CNTN5: variants seen among roughly 807,000 people sequenced by gnomAD.
The protein encoded by CNTN5 is contactin 5, also known as contactin-5.
CNTN5 carries 77 observed loss-of-function variants against 129.1 expected under a neutral mutation model. The ratio of observed to expected loss-of-function variants is 0.60; its 90% CI spans 0.50 to 0.72. The LOEUF is 0.72. CNTN5 is among the 30% of genes least tolerant of loss of function. CNTN5 has a pLI of 0.00. For synonymous variants in CNTN5, 509 were observed against 465.6 expected (o/e 1.09, Z -1.20); for missense variants, 1,478 against 1,328.8 (o/e 1.11, Z -1.75).
chr11:99,557,434 T>C (rs1013989995), intron 3 of CNTN5, among the ~76,000 whole-genome samples: 2 of 151,314 alleles, frequency 1.3e-5, no homozygotes, highest in Admixed American at 6.6e-5. Context: ...ATCTAATTGA[T>C]TATACTAAAT....
chr11:99,545,172 T>G (rs12290702), intron 2 of CNTN5, among the ~76,000 whole-genome samples: 76,159 of 152,076 alleles, frequency 0.5, 19,486 homozygotes, highest in African/African-American at 0.6. Flanking sequence ...TAAAAAGGTT[T>G]AATGTGGAAA....
chr11:99,779,608 G>C (rs1427120975), intron 3 of CNTN5, among the ~76,000 whole-genome samples: 3 of 151,900 alleles, frequency 2.0e-5, no homozygotes. Context: ...TTTACATGAA[G>C]AATTTCTTCA....
At chr11:99,513,683 G>A (rs56061881) in intron 2 of CNTN5, among the ~76,000 whole-genome samples, 2,141 of 151,858 alleles carry the variant, frequency 0.014, 30 homozygotes, top group Non-Finnish European at 0.019. Context: ...CATGTTTACA[G>A]TATGTTTTAC....
chr11:99,470,716 A>T (rs1252563614), intron 2 of CNTN5, among the ~76,000 whole-genome samples: 1 of 152,204 alleles, frequency 6.6e-6, no homozygotes, highest in Non-Finnish European at 1.5e-5. Context: ...AATTATGAAC[A>T]TTATTCTGAA....
intron 2 of CNTN5, among the ~76,000 whole-genome samples, chr11:99,455,960 C>A (rs1944482266): frequency 6.6e-6 from 1 of 151,918 alleles, no homozygotes; most frequent in Non-Finnish European, 1.5e-5. Flanking sequence ...CTACCTATTG[C>A]CCATAAGTAG....
intron 1 of CNTN5, among the ~76,000 whole-genome samples, chr11:99,028,882 C>G (rs1863227298): frequency 6.6e-6 from 1 of 151,606 alleles, no homozygotes; most frequent in Non-Finnish European, 1.5e-5. Flanking sequence ...TGGCCGTTTC[C>G]AAATAGTAAT....
chr11:99,582,014 A>G (rs575593390), intron 3 of CNTN5, among the ~76,000 whole-genome samples: 1 of 152,088 alleles, frequency 6.6e-6, no homozygotes, highest in Non-Finnish European at 1.5e-5. Context: ...CTTTTAGGGC[A>G]GGCCTGGTGG....
At chr11:100,349,727 T>C (rs898881656) in intron 23 of CNTN5, among the ~76,000 whole-genome samples, 1 of 151,856 alleles carries the variant, frequency 6.6e-6, no homozygotes, top group African/African-American at 2.4e-5. Context: ...ACAGTGACTC[T>C]GAATAAAAAC....
chr11:99,985,500 G>A (rs1233412565), intron 8 of CNTN5, among the ~76,000 whole-genome samples: 1 of 152,102 alleles, frequency 6.6e-6, no homozygotes, highest in African/African-American at 2.4e-5. Context: ...TGGGCTATAG[G>A]TAGTTTTGGA....
In CNTN5 at chr11:99,953,251, T is replaced by C. The variant is rs755607142; in HGVS notation, c.674-3555T>C. Among the ~76,000 whole-genome samples, 38 of 152,176 alleles carry C rather than the reference T, an allele frequency of 2.5e-4. 1 individual carries two copies. The highest frequency in any genetic ancestry group is 1.3e-4 in the Admixed American group (2 of 15,276). ...TTTGTATACTCTGTAGATGTGGAAA[T>C]GCGTCACTTAAATAATCATCTTTTT... On this transcript the variant is annotated intron_variant, in intron 7 of 24. Coordinates refer to ENST00000524871, the MANE Select transcript of CNTN5 (RefSeq NM_014361.4).
chr11:99,028,968 A>T (rs1218659262), intron 1 of CNTN5, among the ~76,000 whole-genome samples: 1 of 151,842 alleles, frequency 6.6e-6, no homozygotes, highest in African/African-American at 2.4e-5. Context: ...AGGGAGTCAT[A>T]TGGATTAAAG....
chr11:100,279,017 T>C (rs903321552), intron 18 of CNTN5, among the ~76,000 whole-genome samples: 1 of 152,008 alleles, frequency 6.6e-6, no homozygotes, highest in Non-Finnish European at 1.5e-5. Context: ...CATGAAGAGA[T>C]GCTAAATTTT....
chr11:99,096,865 TCCTTGCTGATA>T (rs1355969524), intron 1 of CNTN5, among the ~76,000 whole-genome samples: 1 of 151,888 alleles, frequency 6.6e-6, no homozygotes, highest in Non-Finnish European at 1.5e-5. Context: ...GGCTTTAGTT[TCCTTGCTGATA>T]TACTTTGCAG....
At chr11:100,322,708 CT>C (rs909213841) in intron 21 of CNTN5, among the ~76,000 whole-genome samples, 7 of 152,038 alleles carry the variant, frequency 4.6e-5, no homozygotes, top group African/African-American at 1.7e-4. Context: ...GTATATTCCA[CT>C]TTTTTTTAAG....
At chr11:100,303,290 T>A (rs552150927) in intron 20 of CNTN5, among the ~76,000 whole-genome samples, 16 of 150,852 alleles carry the variant, frequency 1.1e-4, no homozygotes, top group Non-Finnish European at 1.5e-4. Flanking sequence ...ATTCCATTTT[T>A]AAAAAAAAAG....
At chr11:99,998,760 A>G (rs1393143849) in intron 8 of CNTN5, among the ~76,000 whole-genome samples, 1 of 150,042 alleles carries the variant, frequency 6.7e-6, no homozygotes, top group Non-Finnish European at 1.5e-5. Flanking sequence ...AAAATATACT[A>G]CAAGGCTACA....
rs111772160 is a variant in CNTN5, at chr11:100,158,313, A to G, written c.1581-32813A>G. Among the ~76,000 whole-genome samples, 1,065 of 151,776 alleles carry G rather than the reference A, an allele frequency of 7.0e-3. 15 individuals carry two copies. The highest frequency in any genetic ancestry group is 0.025 in the African/African-American group (1,023 of 41,320). ...TAAGATGCATAAGTTCTGGAGATCT[A>G]ATGCACAGGATAGTGACTGTAATTA... On this transcript the variant is annotated intron_variant, in intron 13 of 24. Coordinates refer to ENST00000524871, the MANE Select transcript of CNTN5 (RefSeq NM_014361.4).
intron 8 of CNTN5, among the ~76,000 whole-genome samples, chr11:99,990,719 T>C (rs1939028741): frequency 6.6e-6 from 1 of 152,142 alleles, no homozygotes; most frequent in East Asian, 1.9e-4. Context: ...TTCTCAGTGG[T>C]TCTTTAAGGA....
Position 100,157,583 on chromosome 11 carries a change from T to C in CNTN5, c.1581-33543T>C, listed in dbSNP as rs1947293870. 2.0e-5 allele frequency among the ~76,000 whole-genome samples: 3 copies of C among 151,724 alleles called. No homozygotes were observed. The South Asian group carries it at 6.2e-4, about 31-fold the overall frequency. On this transcript the variant is annotated intron_variant, in intron 13 of 24. Transcript: ENST00000524871. ...TATATTTGCTTTGTTTTTGTGGAGC[T>C]TGATAAGCAAATTCTGAAAATTATA...
Sources: allele counts gnomAD v4.1 joint callset (sites outside exome capture counted in the v4.1 genomes callset), GRCh38; gene constraint gnomAD v4.1.1; transcripts MANE v1.5; gene names NCBI Gene and HGNC (gene_info 2026-07-23, HGNC 2026-07-21).